The following EHBP1 variants were observed in gnomAD, a reference collection of about 807,000 sequenced individuals.
EHBP1 encodes EH domain-binding protein 1.
Under a neutral mutation model 144.0 loss-of-function variants are expected in EHBP1, and 55 were observed. That is an observed-to-expected ratio of 0.38 (90% CI 0.31 to 0.48). The LOEUF (loss-of-function observed/expected upper bound fraction) is 0.48. Among genes scored for constraint, EHBP1 ranks in the 20% least tolerant of loss-of-function variants. EHBP1 has a pLI of 0.98. For synonymous variants in EHBP1, 469 were observed against 472.7 expected (o/e 0.99, Z 0.10); for missense variants, 1,200 against 1,364.2 (o/e 0.88, Z 1.90).
chr2:63,023,151 G>C (rs1226082679), intron 19 of EHBP1, among the ~76,000 whole-genome samples: 1 of 152,112 alleles, frequency 6.6e-6, no homozygotes, highest in Non-Finnish European at 1.5e-5. Context: ...CTCCAGCCTG[G>C]ACAACATAGC....
intron 5 of EHBP1, among the ~76,000 whole-genome samples, chr2:62,802,719 C>CTTTTT (rs573491673): frequency 9.5e-5 from 11 of 115,624 alleles, no homozygotes; most frequent in Non-Finnish European, 1.4e-4. Context: ...TGGGATCATA[C>CTTTTT]TTTTTTTTTT....
At chr2:62,716,271 G>C (rs2035671675) in intron 2 of EHBP1, among the ~76,000 whole-genome samples, 1 of 152,098 alleles carries the variant, frequency 6.6e-6, no homozygotes, top group Non-Finnish European at 1.5e-5. Flanking sequence ...CAATTCTAAG[G>C]CTTCAATCCC....
At chr2:63,000,141 C>T (rs1022243460) in intron 19 of EHBP1, among the ~76,000 whole-genome samples, 1 of 152,084 alleles carries the variant, frequency 6.6e-6, no homozygotes, top group African/African-American at 2.4e-5. Context: ...GATTGCTGGG[C>T]ATTTCTCCTG....
chr2:62,832,443 T>G (rs535069567), intron 7 of EHBP1, among the ~76,000 whole-genome samples: 1 of 149,070 alleles, frequency 6.7e-6, no homozygotes, highest in Non-Finnish European at 1.5e-5. Flanking sequence ...TTTTTCTTTT[T>G]TTTTTTTTTT....
chr2:62,854,849 C>T (rs1194997988), intron 7 of EHBP1, among the ~76,000 whole-genome samples: 3 of 152,212 alleles, frequency 2.0e-5, no homozygotes, highest in Non-Finnish European at 4.4e-5. Context: ...CTGGCGGGAA[C>T]TGGGGACAAG....
chr2:62,783,844 G>A (rs572059055), intron 5 of EHBP1, among the ~76,000 whole-genome samples: 80 of 152,334 alleles, frequency 5.3e-4, no homozygotes, highest in Middle Eastern at 3.4e-3. Flanking sequence ...CATTACTTAT[G>A]CAAATTTCTG....
chr2:62,968,040 G>C (rs1262174452), intron 14 of EHBP1, among the ~76,000 whole-genome samples: 3 of 152,062 alleles, frequency 2.0e-5, no homozygotes, highest in African/African-American at 7.2e-5. Context: ...AGTACTGATC[G>C]TAATGGATAC....
chr2:63,006,366 T>C (rs1222707514), intron 19 of EHBP1, among the ~76,000 whole-genome samples: 2 of 152,026 alleles, frequency 1.3e-5, no homozygotes, highest in Admixed American at 1.3e-4. Flanking sequence ...GTTTGTCAGA[T>C]AAAGAATCTA....
chr2:62,761,869 T>C (rs2040797425), intron 3 of EHBP1, among the ~76,000 whole-genome samples: 1 of 152,216 alleles, frequency 6.6e-6, no homozygotes, highest in Non-Finnish European at 1.5e-5. Flanking sequence ...CCTGTTTCTT[T>C]TCCTTTCAGC....
intron 5 of EHBP1, among the ~76,000 whole-genome samples, chr2:62,786,181 G>A (rs1241945791): frequency 6.6e-6 from 1 of 152,158 alleles, no homozygotes; most frequent in Admixed American, 6.5e-5. Context: ...AGTCTGAGGT[G>A]GTTGGGGTAG....
chr2:62,745,918 C>A lies in EHBP1; in HGVS notation c.105-1477C>A, dbSNP rs10181604. ...TGCAAGGGCCAGTTGGTGGTACCTT[C>A]AATTTAAGAGCCCAGCATAGGATGA... On this transcript the variant is annotated intron_variant, in intron 2 of 22. Coordinates refer to ENST00000431489, the MANE Select transcript of EHBP1 (RefSeq NM_001142616.3). Among the ~76,000 whole-genome samples the A allele has an allele frequency of 7.6e-4, 116 of 152,078 alleles. No homozygotes were observed. In the Middle Eastern group the frequency reaches 0.01, roughly 13 times the overall value.
chr2:63,032,499 G>A (rs757511327), intron 19 of EHBP1, among the ~76,000 whole-genome samples: 7 of 149,568 alleles, frequency 4.7e-5, no homozygotes, highest in Non-Finnish European at 1.0e-4. Context: ...CCCTGGAGGC[G>A]GAGGTTGTAG....
chr2:62,898,918 T>C (rs891696571), intron 10 of EHBP1, among the ~76,000 whole-genome samples: 1 of 152,202 alleles, frequency 6.6e-6, no homozygotes, highest in Non-Finnish European at 1.5e-5. Context: ...AGCTTCTACT[T>C]CCATTGTTTT....
At chr2:62,754,408 G>A (rs2040062572) in intron 3 of EHBP1, among the ~76,000 whole-genome samples, 2 of 152,206 alleles carry the variant, frequency 1.3e-5, no homozygotes, top group South Asian at 4.1e-4. Context: ...CTCTACTGGG[G>A]GGTGCCTCCC....
chr2:62,978,286 C>T (rs528952429), intron 14 of EHBP1, among the ~76,000 whole-genome samples: 4 of 151,528 alleles, frequency 2.6e-5, no homozygotes, highest in Non-Finnish European at 4.4e-5. Flanking sequence ...CTGCAACCTC[C>T]GCCTCCTGGG....
At chr2:62,903,296 C>T (rs754155491) in intron 10 of EHBP1, among the ~76,000 whole-genome samples, 1 of 152,014 alleles carries the variant, frequency 6.6e-6, no homozygotes, top group Non-Finnish European at 1.5e-5. Context: ...AGCATTTTTA[C>T]AATAAATTTC....
intron 10 of EHBP1, among the ~76,000 whole-genome samples, chr2:62,878,825 A>G (rs1395153160): frequency 2.6e-5 from 4 of 152,032 alleles, no homozygotes; most frequent in Non-Finnish European, 5.9e-5. Flanking sequence ...CCTGGCCAAA[A>G]TGGAGAAATT....
chr2:62,677,377 C>T (rs1187358279), intron 1 of EHBP1, among the ~76,000 whole-genome samples: 1 of 151,996 alleles, frequency 6.6e-6, no homozygotes, highest in Non-Finnish European at 1.5e-5. Context: ...TGTGGGTATA[C>T]AACAGGTGTA....
intron 8 of EHBP1, among the ~76,000 whole-genome samples, chr2:62,862,514 G>T (rs948840074): frequency 6.6e-6 from 1 of 152,260 alleles, no homozygotes; most frequent in South Asian, 2.1e-4. Context: ...GGAGGTTGAG[G>T]CAGGAGAATA....
Sources: gnomAD v4.1 joint callset for allele counts (sites outside exome capture counted in the v4.1 genomes callset) on GRCh38, gnomAD v4.1.1 for gene constraint, MANE v1.5 for transcripts, NCBI Gene and HGNC (gene_info 2026-07-23, HGNC 2026-07-21) for gene names.